The following TOX3 variants were observed in gnomAD, a reference collection of about 807,000 sequenced individuals.
TOX3 encodes the protein TOX high mobility group box family member 3.
Under a neutral mutation model 64.3 loss-of-function variants are expected in TOX3, and 22 were observed. The ratio of observed to expected loss-of-function variants is 0.34; its 90% confidence interval spans 0.24 to 0.49. The LOEUF (loss-of-function observed/expected upper bound fraction) is 0.49. TOX3 is among the 20% of genes least tolerant of loss of function. The pLI, the probability that TOX3 is intolerant of heterozygous loss-of-function variation, is 0.99. For missense variants in TOX3, 661 were observed against 714.4 expected (o/e 0.93, Z 0.85); for synonymous variants, 291 against 273.6 (o/e 1.06, Z -0.63).
intron 1 of TOX3, among the ~76,000 whole-genome samples, chr16:52,512,825 AAAG>A (rs572741675): frequency 3.3e-5 from 5 of 152,304 alleles, no homozygotes; most frequent in East Asian, 3.9e-4. Flanking sequence ...TATTAAAAAA[AAAG>A]AAGAAGAAGA....
chr16:52,446,294 A>T (rs879712815), intron 4 of TOX3, 73 bp from the exon 5 acceptor site: 20 of 1,468,282 alleles, frequency 1.4e-5, no homozygotes, highest in Admixed American at 2.2e-5. Context: ...ACTCAGATCC[A>T]TAATTGTTCT....
Position 52,439,918 on chromosome 16 carries a change from G to A in TOX3, c.1038C>T (p.Thr346=), listed in dbSNP as rs778474513. The A allele has an allele frequency of 1.9e-6, 3 of 1,605,040 alleles. No homozygotes were observed. In the Admixed American group the frequency reaches 5.0e-5, roughly 27 times the overall value. Residue 346 remains threonine, a synonymous_variant, in exon 7 of 7, where the codon ACC becomes ACT. Transcript: ENST00000219746. ...EAQTIRSVQQ[T]LASTNLTSSL... is the part of the protein sequence containing the mutation. ...AGGATGTTAGATTGGTCGACGCCAG[G>A]GTCTGCTGAACAGAACGGATGGTCT... is the stretch of plus-strand genomic sequence containing the variant.
chr16:52,464,960 T>G (rs2151756503), intron 2 of TOX3, among the ~76,000 whole-genome samples: 1 of 150,250 alleles, frequency 6.7e-6, no homozygotes, highest in South Asian at 2.1e-4. Flanking sequence ...TTCGCTTACT[T>G]AGAGAAGTAT....
At chr16:52,494,038 C>A (rs1443478630) in intron 1 of TOX3, among the ~76,000 whole-genome samples, 4 of 152,276 alleles carry the variant, frequency 2.6e-5, no homozygotes, top group Non-Finnish European at 5.9e-5. Context: ...CTTTCACCCA[C>A]AACTGTAATA....
intron 1 of TOX3, among the ~76,000 whole-genome samples, chr16:52,541,324 T>C (rs1461272777): frequency 1.3e-5 from 2 of 152,220 alleles, no homozygotes; most frequent in African/African-American, 4.8e-5. Context: ...TGAGCATCAT[T>C]TGTTGCTCCT....
intron 1 of TOX3, among the ~76,000 whole-genome samples, chr16:52,483,315 A>G (rs1445237777): frequency 1.3e-5 from 2 of 152,212 alleles, no homozygotes; most frequent in African/African-American, 2.4e-5. Flanking sequence ...AGAATTCCCC[A>G]AGGAAAAATA....
chr16:52,494,828 T>C (rs1406190467), intron 1 of TOX3, among the ~76,000 whole-genome samples: 1 of 152,260 alleles, frequency 6.6e-6, no homozygotes, highest in African/African-American at 2.4e-5. Flanking sequence ...GAGAGGTTTT[T>C]TTCAGTTTGT....
intron 3 of TOX3, 46 bp from the exon 4 acceptor site, chr16:52,450,592 A>G: frequency 1.9e-6 from 3 of 1,609,704 alleles, no homozygotes; most frequent in Non-Finnish European, 2.5e-6. Context: ...GCTTTTCCAG[A>G]TATCAGTGAA....
intron 1 of TOX3, among the ~76,000 whole-genome samples, chr16:52,482,621 C>A (rs189851): frequency 0.56 from 84,296 of 151,880 alleles, 25,357 homozygotes; most frequent in African/African-American, 0.79. Flanking sequence ...CACAGTTAAA[C>A]ATGCAGCATA....
chr16:52,468,703 G>C, intron 1 of TOX3, 129 bp from the exon 2 acceptor site: 1 of 676,036 alleles, frequency 1.5e-6, no homozygotes, highest in Non-Finnish European at 2.6e-6. Context: ...ACATGACAAA[G>C]GTTTCAAGGC....
At chr16:52,520,116 G>A (rs1962567868) in intron 1 of TOX3, among the ~76,000 whole-genome samples, 2 of 152,078 alleles carry the variant, frequency 1.3e-5, no homozygotes, top group Non-Finnish European at 2.9e-5. Flanking sequence ...TATGAAATAT[G>A]GGTATATAAA....
chr16:52,486,766 T>C (rs1961543355), intron 1 of TOX3, among the ~76,000 whole-genome samples: 2 of 151,980 alleles, frequency 1.3e-5, no homozygotes, highest in South Asian at 4.2e-4. Context: ...ACCCCTGTCT[T>C]TACAAAAAAT....
chr16:52,498,220 T>C lies in TOX3; in HGVS notation c.88-29646A>G, dbSNP rs979974439. Among the ~76,000 whole-genome samples the C allele has an allele frequency of 2.0e-5, 3 of 152,228 alleles. No homozygotes were observed. The South Asian group carries it at 6.2e-4, about 31-fold the overall frequency. The stretch of plus-strand genomic sequence containing the variant: ...CAAAAGGGGAGAAAATCAATGGCAC[T>C]TCAAGCCGTAGTTATACATTAGTGT... On this transcript the variant is annotated intron_variant, in intron 1 of 6. Transcript: ENST00000219746.
intron 1 of TOX3, among the ~76,000 whole-genome samples, chr16:52,526,662 G>T (rs1167125217): frequency 6.6e-6 from 1 of 152,136 alleles, no homozygotes; most frequent in East Asian, 1.9e-4. Flanking sequence ...GTTGTCTTCA[G>T]CACTCCCCTC....
At chr16:52,468,746 GCA>G (rs1438081013) in intron 1 of TOX3, among the ~76,000 whole-genome samples, 172 bp from the exon 2 acceptor site, 2 of 152,172 alleles carry the variant, frequency 1.3e-5, no homozygotes, top group South Asian at 2.1e-4. Context: ...AGAAAATAAA[GCA>G]CAGAGTTAAG....
intron 1 of TOX3, among the ~76,000 whole-genome samples, chr16:52,537,221 T>G (rs1442708154): frequency 6.6e-6 from 1 of 152,046 alleles, no homozygotes; most frequent in Non-Finnish European, 1.5e-5. Context: ...ATACACAGTT[T>G]ACTAGTACCT....
rs984060871 is a variant in TOX3 at position 52,546,846 on chromosome 16, G to T, written c.-123C>A. 970 of 1,236,196 alleles carry T rather than the reference G, an allele frequency of 7.8e-4. No homozygotes were observed. The highest frequency in any genetic ancestry group is 9.3e-4 in the Non-Finnish European group (920 of 989,282). 76.6% of individuals were successfully genotyped at this position (1,236,196 alleles called of 1,614,324 possible). On this transcript the variant is annotated 5_prime_UTR_variant, in exon 1 of 7. Transcript: ENST00000219746. Reference sequence around the variant, plus strand: ...GGGGTGGCGCGTGGGACTCGCGGCCGGAGGGGCGCCGGGACCCAGAGCCCG... The same window carrying T: ...GGGGTGGCGCGTGGGACTCGCGGCCTGAGGGGCGCCGGGACCCAGAGCCCG...
At chr16:52,462,074 T>C (rs1447446070) in intron 3 of TOX3, among the ~76,000 whole-genome samples, 1 of 152,090 alleles carries the variant, frequency 6.6e-6, no homozygotes, top group East Asian at 1.9e-4. Flanking sequence ...CAAGATTAGT[T>C]TGTTTCAAGC....
intron 1 of TOX3, among the ~76,000 whole-genome samples, chr16:52,512,814 T>G (rs980127485): frequency 1.3e-5 from 2 of 151,844 alleles, no homozygotes; most frequent in Admixed American, 6.6e-5. Flanking sequence ...GGCTGGCATG[T>G]TATTAAAAAA....
Sources: allele counts gnomAD v4.1 joint callset (sites outside exome capture counted in the v4.1 genomes callset), GRCh38; gene constraint gnomAD v4.1.1; transcripts MANE v1.5; gene names NCBI Gene and HGNC (gene_info 2026-07-23, HGNC 2026-07-21).